The following USHBP1 variants were observed in gnomAD, a reference collection of about 807,000 sequenced individuals.
USHBP1 encodes USH1 protein network component harmonin binding protein 1.
USHBP1 carries 67 observed loss-of-function variants against 76.2 expected under a neutral mutation model. That is an observed-to-expected ratio of 0.88 (90% CI 0.72 to 1.08). The LOEUF (loss-of-function observed/expected upper bound fraction) is 1.08, where lower values mean the gene tolerates loss of function less well. Ranked by LOEUF, USHBP1 falls within the 50% of genes least tolerant of loss-of-function variation. The pLI, the probability that USHBP1 is intolerant of heterozygous loss-of-function variation, is 0.00. For missense variants in USHBP1, 931 were observed against 915.0 expected (o/e 1.02, Z -0.23); for synonymous variants, 322 against 362.2 (o/e 0.89, Z 1.26).
chr19:17,252,077 ACACT>A, intron 10 of USHBP1, 60 bp from the exon 11 acceptor site: 1 of 1,487,166 alleles, frequency 6.7e-7, no homozygotes, highest in Non-Finnish European at 9.1e-7. Context: ...TGCTTGGCCC[ACACT>A]GGACATTGGA....
chr19:17,263,885 C>T (rs2073720533), intron 3 of USHBP1, 117 bp downstream of exon 3: 2 of 1,343,688 alleles, frequency 1.5e-6, no homozygotes, highest in Non-Finnish European at 2.0e-6. Context: ...GAAAGTCAGG[C>T]TGAAGGCAAT....
In USHBP1 at chr19:17,260,029, A is replaced by T. The variant is rs778773562; in HGVS notation, c.643-7T>A. 6.2e-7 allele frequency: 1 copy of T among 1,611,510 alleles called. No individual in the cohort carries two copies. Among genetic ancestry groups the T allele is most frequent in the Non-Finnish European group, 8.5e-7 (1 of 1,178,080 alleles). On this transcript the variant is annotated splice_polypyrimidine_tract_variant and splice_region_variant and intron_variant, in intron 4 of 12. Coordinates refer to ENST00000252597, the MANE Select transcript of USHBP1 (RefSeq NM_031941.4). The stretch of plus-strand genomic sequence containing the variant: ...AATCCTGCAGCTCTTGAACCTGGGA[A>T]AGATGAGGGGGACGTCAGGCCTAGG...
At position 17,262,911 on chromosome 19, in the gene USHBP1, C is replaced by T. The variant is rs377767250; in HGVS notation, c.283G>A (p.Ala95Thr). The change falls in exon 4 of 13, where the codon GCC becomes ACC. Residue 95 changes from alanine to threonine, a missense_variant. Physicochemically the swap from Ala to Thr is moderately conservative, Grantham distance 58. Coordinates refer to ENST00000252597, the MANE Select transcript of USHBP1 (RefSeq NM_031941.4). ...PEVPHKPAVE[A>T]HQAPEAALQY... ...AGGGCTGCTTCTGGGGCTTGGTGGG[C>T]TTCCACTGCAGGTTTGTGGGGCACT... The T allele has an allele frequency of 6.4e-7, 1 of 1,573,826 alleles. No homozygotes were observed. The highest frequency in any genetic ancestry group is 8.6e-7 in the Non-Finnish European group (1 of 1,158,080).
chr19:17,264,087 G>T lies in USHBP1; in HGVS notation c.118C>A (p.Pro40Thr), dbSNP rs779015016. ...EVEAASGSSK[P>T]SFAPPPVSSG... ...CTCACCGGAGGTGGGGCAAAGCTGG[G>T]CTTGGAGCTCCCACTGGCTGCCTCG... is the stretch of plus-strand genomic sequence containing the variant. Residue 40 changes from proline to threonine, a missense_variant, in exon 3 of 13, where the codon CCC becomes ACC. Pro to Thr is a conservative substitution (Grantham distance 38). Transcript: ENST00000252597. 1 of 1,614,024 alleles carries T rather than the reference G, an allele frequency of 6.2e-7. No homozygotes were observed. The highest frequency in any genetic ancestry group is 1.1e-5 in the South Asian group (1 of 91,060).
chr19:17,257,044 G>T (rs1392716121), intron 8 of USHBP1, among the ~76,000 whole-genome samples: 1 of 143,752 alleles, frequency 7.0e-6, no homozygotes, highest in Non-Finnish European at 1.5e-5. Context: ...TTTTTGAGAC[G>T]CAGTCTTGCT....
chr19:17,257,327 G>A (rs1270431552), intron 8 of USHBP1, among the ~76,000 whole-genome samples: 1 of 146,848 alleles, frequency 6.8e-6, no homozygotes, highest in Non-Finnish European at 1.5e-5. Context: ...CACCGCGCCT[G>A]GCCGAGAATC....
At position 17,264,031 on chromosome 19, in the gene USHBP1, C is replaced by T. The variant is rs1296166033; in HGVS notation, c.174G>A (p.Glu58=). Residue 58 remains glutamate, a synonymous_variant, in exon 3 of 13, where the codon GAG becomes GAA. Transcript: ENST00000252597. ...TTCCTAGGCCTTGGCCACTGACCTC[C>T]TCCATGGGGCCCAGCTGCTCCAGCC... The part of the protein sequence containing the change: ...SSGLEQLGPM[E]EVSGQGLGSR... The T allele has an allele frequency of 3.1e-6, 5 of 1,608,226 alleles. No individual in the cohort carries two copies. In the African/African-American group the frequency reaches 4.0e-5, roughly 13 times the overall value.
chr19:17,255,245 T>C (rs2073603252), intron 10 of USHBP1, 140 bp downstream of exon 10: 1 of 938,260 alleles, frequency 1.1e-6, no homozygotes, highest in Middle Eastern at 2.6e-4. Context: ...TGAGCCGAGA[T>C]TGCAACATTG....
intron 3 of USHBP1, 129 bp from the exon 4 acceptor site, chr19:17,263,119 C>A: frequency 2.2e-6 from 2 of 893,216 alleles, no homozygotes; most frequent in Non-Finnish European, 1.6e-6. Flanking sequence ...CTCACTGCAA[C>A]CTCCACCTCC....
At chr19:17,255,966 C>T (rs998369064) in intron 9 of USHBP1, among the ~76,000 whole-genome samples, 1 of 151,506 alleles carries the variant, frequency 6.6e-6, no homozygotes, top group Non-Finnish European at 1.5e-5. Flanking sequence ...GATAGCGCCA[C>T]AGCACTCCAG....
rs759474810 is a variant in USHBP1 at position 17,250,260 on chromosome 19, G to A, written c.2077C>T (p.Leu693Phe). Residue 693 changes from leucine to phenylalanine, a missense_variant, in exon 13 of 13, where the codon CTC becomes TTC. By Grantham distance (22) the Leu-to-Phe change is conservative (BLOSUM62 0). Transcript: ENST00000252597. The part of the protein sequence containing the change: ...ARALGKPRPP[L>F]PPPQLGDTFL ...GTGTCCCCAAGCTGGGGAGGCGGGA[G>A]GGGAGGCCTGGGCTTCCCCAGGGCC... 3 of 1,613,000 alleles carry A rather than the reference G, an allele frequency of 1.9e-6. No homozygotes were observed. The highest frequency in any genetic ancestry group is 4.5e-5 in the East Asian group (2 of 44,828).
In USHBP1 at chr19:17,249,247, G is replaced by C. The variant is rs1056594230; in HGVS notation, c.*978C>G. The C allele has an allele frequency of 6.6e-6, 1 of 152,020 alleles. No individual in the cohort carries two copies. The highest frequency in any genetic ancestry group is 6.6e-5 in the Admixed American group (1 of 15,256). The allele number at this position is 152,020 out of a possible 1,614,324, so 9.4% of individuals were successfully genotyped here. On this transcript the variant is annotated 3_prime_UTR_variant, in exon 13 of 13. Transcript: ENST00000252597. ...CTTATTGCCCGGGCACGATCTTGTT[G>C]TTGGCGCGATCTCGGTTCACTGCAA...
At chr19:17,251,086 C>T (rs1281877794) in intron 12 of USHBP1, among the ~76,000 whole-genome samples, 2 of 151,636 alleles carry the variant, frequency 1.3e-5, no homozygotes, top group Non-Finnish European at 2.9e-5. Context: ...TCTCGAACTC[C>T]CGACCTCAGG....
intron 9 of USHBP1, among the ~76,000 whole-genome samples, chr19:17,255,918 T>C (rs1484217694): frequency 6.6e-6 from 1 of 152,126 alleles, no homozygotes; most frequent in Non-Finnish European, 1.5e-5. Context: ...GGAGAATCAC[T>C]TGAACCCGGC....
chr19:17,262,886 A>G lies in USHBP1; in HGVS notation c.308T>C (p.Leu103Pro). 6.3e-7 allele frequency: 1 copy of G among 1,596,504 alleles called. No homozygotes were observed. The highest frequency in any genetic ancestry group is 8.6e-7 in the Non-Finnish European group (1 of 1,168,406). ...VEAHQAPEAALQYKETVPPGN... is the reference protein window; with the variant it reads ...VEAHQAPEAAPQYKETVPPGN... Reference sequence around the variant, plus strand: ...AGGGGGCACAGTCTCCTTGTACTGTAGGGCTGCTTCTGGGGCTTGGTGGGC... The same window carrying G: ...AGGGGGCACAGTCTCCTTGTACTGTGGGGCTGCTTCTGGGGCTTGGTGGGC... The change falls in exon 4 of 13, where the codon CTA becomes CCA. Residue 103 changes from leucine (L) to proline (P), a missense_variant. Coordinates refer to ENST00000252597, the MANE Select transcript of USHBP1 (RefSeq NM_031941.4).
chr19:17,259,573 A>G (rs750968613), intron 6 of USHBP1, 23 bp downstream of exon 6: 1 of 1,604,772 alleles, frequency 6.2e-7, no homozygotes, highest in African/African-American at 1.3e-5. Context: ...TGCCCTTATG[A>G]GCTCAGCATT....
chr19:17,257,950 T>C (rs1406452602), intron 8 of USHBP1, among the ~76,000 whole-genome samples: 4 of 152,128 alleles, frequency 2.6e-5, no homozygotes, highest in Admixed American at 2.6e-4. Flanking sequence ...TGCCCGGCTG[T>C]GGGTGCCAGT....
At position 17,261,999 on chromosome 19, in the gene USHBP1, ATTT is replaced by A. The variant is rs33975731; in HGVS notation, c.642+550_642+552del. ...CCACTGCACCCAGCCAACCTGGCTG[ATTT>A]TTTTTTTTTTTTTTTTGAGACAGAG... On this transcript the variant is annotated intron_variant, in intron 4 of 12. Transcript: ENST00000252597. 2.8e-3 allele frequency among the ~76,000 whole-genome samples: 351 copies of A among 124,424 alleles called. 1 individual carries two copies. The highest frequency in any genetic ancestry group is 3.8e-3 in the Admixed American group (46 of 12,148). 81.6% of individuals were successfully genotyped at this position (124,424 alleles called of 152,430 possible). A position where few individuals can be genotyped will look rare whatever the true frequency, so the allele number is the denominator to read the frequency against.
chr19:17,263,015 G>C (rs1200333299), intron 3 of USHBP1, 25 bp from the exon 4 acceptor site: 14 of 1,506,836 alleles, frequency 9.3e-6, no homozygotes, highest in Non-Finnish European at 1.2e-5. Context: ...TCAGGCACTT[G>C]AGTCACTCCA....
Sources: gnomAD v4.1 joint callset for allele counts (sites outside exome capture counted in the v4.1 genomes callset) on GRCh38, gnomAD v4.1.1 for gene constraint, MANE v1.5 for transcripts, NCBI Gene and HGNC (gene_info 2026-07-23, HGNC 2026-07-21) for gene names.